Variants in BSN observed in about 807,000 individuals in gnomAD.
BSN encodes bassoon presynaptic cytomatrix protein.
In BSN, 57 loss-of-function variants were observed where a neutral mutation model predicts 264.8. That is an observed-to-expected ratio of 0.22 (90% confidence interval 0.17 to 0.27). BSN has a LOEUF of 0.27. BSN is among the 10% of genes least tolerant of loss of function. BSN has a pLI of 1.00. For missense variants in BSN, 4,615 were observed against 5,232.5 expected, an observed-to-expected ratio of 0.88 and a Z score of 3.64; for synonymous variants, 2,059 against 2,137.3, an observed-to-expected ratio of 0.96 and a Z score of 1.01.
At position 49,657,185 on chromosome 3, in the gene BSN, G is replaced by A. The variant is rs1444240167; in HGVS notation, c.7629G>A (p.Glu2543=). ...CCTCAGACATGTCACTGCAAACGGA[G>A]GAGCAGTGGGAGGCCAGCCGTAGTG... ...SSASDMSLQT[E]EQWEASRSGI... The change falls in exon 5 of 12, where the codon GAG becomes GAA. Residue 2543 remains glutamate, a synonymous_variant. Coordinates refer to ENST00000296452, the MANE Select transcript of BSN (RefSeq NM_003458.4). 6.2e-7 allele frequency: 1 copy of A among 1,613,362 alleles called. No individual in the cohort carries two copies. The highest frequency in any genetic ancestry group is 1.1e-5 in the South Asian group (1 of 91,084).
intron 1 of BSN, among the ~76,000 whole-genome samples, chr3:49,602,002 C>A (rs2052076198): frequency 6.6e-6 from 1 of 152,200 alleles, no homozygotes. Context: ...AAGCCTTGCC[C>A]TAGTAGAGAT....
chr3:49,590,127 C>T (rs982129281), intron 1 of BSN, among the ~76,000 whole-genome samples: 8 of 152,136 alleles, frequency 5.3e-5, no homozygotes, highest in Admixed American at 1.3e-4. Context: ...TGAACCACCA[C>T]GCCCCGCCAA....
At chr3:49,597,357 A>C (rs2052031948) in intron 1 of BSN, among the ~76,000 whole-genome samples, 1 of 151,956 alleles carries the variant, frequency 6.6e-6, no homozygotes, top group Admixed American at 6.6e-5. Context: ...TTGCTCTGTC[A>C]CCTGGGCTAG....
rs754583516 is a variant in BSN at position 49,651,563 on chromosome 3, C to T, written c.2007C>T (p.Tyr669=). 1.3e-6 allele frequency: 2 copies of T among 1,585,612 alleles called. No individual in the cohort carries two copies. Among genetic ancestry groups the T allele is most frequent in the South Asian group, 2.3e-5 (2 of 86,080 alleles). ...TGCAGGACCTGGTGGGCAAGCCTTACTCTCAGGATGCGTCTCGGAGCCCAC... is the reference window on the plus strand; with the variant it reads ...TGCAGGACCTGGTGGGCAAGCCTTATTCTCAGGATGCGTCTCGGAGCCCAC... The part of the protein sequence containing the change: ...GEAEDLVGKP[Y]SQDASRSPQS... Residue 669 remains tyrosine, a synonymous_variant, in exon 5 of 12, where the codon TAC becomes TAT. Coordinates refer to ENST00000296452, the MANE Select transcript of BSN (RefSeq NM_003458.4). This position sits in a 1 kb window ranked among gnomAD's most constrained non-coding sequence, Gnocchi z 5.4.
intron 2 of BSN, among the ~76,000 whole-genome samples, chr3:49,637,432 C>T (rs973233369): frequency 1.3e-5 from 2 of 152,164 alleles, no homozygotes; most frequent in African/African-American, 4.8e-5. Context: ...AGTGTTCCTG[C>T]AGGGAAGATG....
chr3:49,635,317 G>A (rs1047225603), intron 2 of BSN, among the ~76,000 whole-genome samples: 2 of 152,132 alleles, frequency 1.3e-5, no homozygotes, highest in African/African-American at 4.8e-5. Flanking sequence ...TGGCTGGCAA[G>A]GATAAGCAAA....
chr3:49,633,588 A>G (rs1227171126), intron 2 of BSN, among the ~76,000 whole-genome samples: 5 of 152,238 alleles, frequency 3.3e-5, no homozygotes, highest in African/African-American at 1.2e-4. Flanking sequence ...TATACACTCA[A>G]ATGAATTGAA....
intron 1 of BSN, among the ~76,000 whole-genome samples, chr3:49,563,210 G>A (rs1041847662): frequency 6.6e-5 from 10 of 152,158 alleles, no homozygotes; most frequent in Non-Finnish European, 1.0e-4. Context: ...AGCCAGGGGC[G>A]GGGCTGGCTG....
chr3:49,634,856 A>G (rs1464653565), intron 2 of BSN, among the ~76,000 whole-genome samples: 1 of 152,228 alleles, frequency 6.6e-6, no homozygotes, highest in East Asian at 1.9e-4. Context: ...ATATACATAT[A>G]CACTAAAACA....
intron 1 of BSN, 129 bp from the exon 2 acceptor site, chr3:49,624,846 T>C (rs2052330515): frequency 1.2e-6 from 1 of 837,320 alleles, no homozygotes; most frequent in Non-Finnish European, 1.8e-6. Context: ...ATGAGGGCCA[T>C]GATGATTCTT....
Position 49,656,822 on chromosome 3 carries a change from C to T in BSN, c.7266C>T (p.Ile2422=), listed in dbSNP as rs1219963140. The part of the protein sequence containing the change: ...VQRELQELQT[I]KHHVLQQQQE... ...GGGAGTTGCAGGAGCTGCAGACCAT[C>T]AAGCACCATGTGCTGCAGCAGCAGC... is the stretch of plus-strand genomic sequence containing the variant. The change falls in exon 5 of 12, where the codon ATC becomes ATT. Residue 2422 remains isoleucine (I), a synonymous_variant. Coordinates refer to ENST00000296452, the MANE Select transcript of BSN (RefSeq NM_003458.4). 4.4e-6 allele frequency: 7 copies of T among 1,598,202 alleles called. No homozygotes were observed. Among genetic ancestry groups the T allele is most frequent in the Non-Finnish European group, 6.0e-6 (7 of 1,173,118 alleles).
intron 2 of BSN, among the ~76,000 whole-genome samples, chr3:49,640,213 T>C (rs2052452728): frequency 6.6e-6 from 1 of 152,200 alleles, no homozygotes; most frequent in African/African-American, 2.4e-5. Context: ...AGACTCTTCA[T>C]TGAGGCACCA....
chr3:49,660,634 C>T lies in BSN; in HGVS notation c.8789C>T (p.Pro2930Leu), dbSNP rs372492813. Residue 2930 changes from proline (P) to leucine (L), a missense_variant, in exon 6 of 12, where the codon CCC becomes CTC. Physicochemically the swap from Pro to Leu is moderately conservative, Grantham distance 98. This residue lies in a region of BSN where 3,415 missense variants were observed against 3,866.4 expected (regional missense o/e 0.88). Transcript: ENST00000296452. This position sits in a 1 kb window ranked among gnomAD's most constrained non-coding sequence, Gnocchi z 7.1. ...ASLLQRGLTG[P>L]TTVPATKASL... Reference sequence around the variant, plus strand: ...CTGCTGCAGCGAGGGCTGACGGGGCCCACCACTGTCCCTGCTACCAAGGCC... The same window carrying T: ...CTGCTGCAGCGAGGGCTGACGGGGCTCACCACTGTCCCTGCTACCAAGGCC... The T allele has an allele frequency of 6.2e-7, 1 of 1,613,052 alleles. No homozygotes were observed. Among genetic ancestry groups the T allele is most frequent in the Non-Finnish European group, 8.5e-7 (1 of 1,179,920 alleles).
At chr3:49,624,569 G>T (rs929995296) in intron 1 of BSN, among the ~76,000 whole-genome samples, 2 of 152,130 alleles carry the variant, frequency 1.3e-5, no homozygotes, top group Non-Finnish European at 2.9e-5. Context: ...AAAGTGCTGG[G>T]ATTACAGGCT....
At chr3:49,664,318 C>T (rs2052692391) in intron 8 of BSN, 105 bp from the exon 9 acceptor site, 3 of 1,475,588 alleles carry the variant, frequency 2.0e-6, no homozygotes, top group Non-Finnish European at 2.8e-6. Flanking sequence ...CACCTTCCCA[C>T]CTTATAGGGT....
At chr3:49,558,285 G>T (rs1215669756) in intron 1 of BSN, among the ~76,000 whole-genome samples, 1 of 152,242 alleles carries the variant, frequency 6.6e-6, no homozygotes, top group Non-Finnish European at 1.5e-5. Flanking sequence ...GAGGCTGAGT[G>T]CAGGGTGGTG....
intron 1 of BSN, among the ~76,000 whole-genome samples, chr3:49,612,532 G>C (rs1008106872): frequency 8.5e-5 from 13 of 152,168 alleles, no homozygotes; most frequent in African/African-American, 3.1e-4. Flanking sequence ...AACAAATTAT[G>C]ATCTATTGGA....
rs1437135229 is a variant in BSN, at chr3:49,655,420, A to G, written c.5864A>G (p.Tyr1955Cys). Reference protein sequence around the residue: ...RDPEPPEPPTYRAQGVVGPGP... With the variant: ...RDPEPPEPPTCRAQGVVGPGP... ...CCTGAGCCTCCTGAGCCCCCAACCT[A>G]CCGGGCACAGGGGGTGGTGGGGCCT... The change falls in exon 5 of 12, where the codon TAC (tyrosine) becomes TGC (cysteine). Residue 1955 changes from tyrosine to cysteine, a missense_variant. This residue lies in a region of BSN where 3,415 missense variants were observed against 3,866.4 expected (regional missense o/e 0.88). Transcript: ENST00000296452. The G allele has an allele frequency of 6.4e-7, 1 of 1,569,326 alleles. No homozygotes were observed. Among genetic ancestry groups the G allele is most frequent in the Non-Finnish European group, 8.6e-7 (1 of 1,157,484 alleles).
chr3:49,594,320 T>C (rs2052004382), intron 1 of BSN, among the ~76,000 whole-genome samples: 1 of 152,230 alleles, frequency 6.6e-6, no homozygotes, highest in African/African-American at 2.4e-5. Flanking sequence ...TTTAAGTCTA[T>C]TAGCCATTGT....
Sources: gnomAD v4.1 joint callset for allele counts (sites outside exome capture counted in the v4.1 genomes callset) on GRCh38, gnomAD v4.1.1 for gene constraint, gnomAD v4.1.1 regional missense constraint, Gnocchi (gnomAD v3.1) non-coding constraint, MANE v1.5 for transcripts, NCBI Gene and HGNC (gene_info 2026-07-23, HGNC 2026-07-21) for gene names.